Variants in MED27 observed in about 807,000 individuals in gnomAD.
MED27 encodes the protein mediator complex subunit 27.
A neutral mutation model predicts 38.2 loss-of-function variants in MED27; 30 were observed. The ratio of observed to expected loss-of-function variants is 0.79; its 90% CI spans 0.59 to 1.07. The LOEUF (loss-of-function observed/expected upper bound fraction) is 1.07. Ranked by LOEUF, MED27 falls within the 50% of genes least tolerant of loss-of-function variation. MED27 has a pLI of 0.00. For missense variants in MED27, 289 were observed against 397.5 expected (o/e 0.73, Z 2.32); for synonymous variants, 122 against 153.5 (o/e 0.79, Z 1.52).
At chr9:131,969,979 G>T (rs1831439861) in intron 3 of MED27, among the ~76,000 whole-genome samples, 1 of 152,120 alleles carries the variant, frequency 6.6e-6, no homozygotes, top group African/African-American at 2.4e-5. Context: ...GGGGGGGTGG[G>T]GGCATAGGAG....
At chr9:131,879,635 T>A (rs910495431) in intron 6 of MED27, among the ~76,000 whole-genome samples, 3 of 152,196 alleles carry the variant, frequency 2.0e-5, no homozygotes, top group Non-Finnish European at 4.4e-5. Flanking sequence ...CCAAGGAGCA[T>A]CCTCCAGCAT....
intron 2 of MED27, among the ~76,000 whole-genome samples, chr9:132,036,275 C>T (rs569874547): frequency 2.0e-5 from 3 of 152,080 alleles, no homozygotes; most frequent in Non-Finnish European, 2.9e-5. Context: ...GAGATCACAG[C>T]TCACTGCAGC....
chr9:132,075,100 T>G (rs940708839), intron 2 of MED27, among the ~76,000 whole-genome samples: 1 of 152,210 alleles, frequency 6.6e-6, no homozygotes, highest in Non-Finnish European at 1.5e-5. Flanking sequence ...TACAGTTTCA[T>G]GAATAAAATA....
At chr9:131,971,933 A>C (rs1441355065) in intron 3 of MED27, among the ~76,000 whole-genome samples, 2 of 152,164 alleles carry the variant, frequency 1.3e-5, no homozygotes, top group African/African-American at 4.8e-5. Context: ...CACTGAGGTC[A>C]CTCTTCCATA....
At chr9:132,001,417 CAGATCACAAT>C (rs1832231829) in intron 3 of MED27, among the ~76,000 whole-genome samples, 2 of 152,202 alleles carry the variant, frequency 1.3e-5, no homozygotes, top group South Asian at 4.1e-4. Flanking sequence ...CAATACACAT[CAGATCACAAT>C]AAATTAAACT....
intron 2 of MED27, among the ~76,000 whole-genome samples, chr9:132,043,149 C>G (rs564639319): frequency 6.6e-6 from 1 of 151,948 alleles, no homozygotes; most frequent in African/African-American, 2.4e-5. Context: ...AAAAAAACCA[C>G]AATACTATCA....
intron 3 of MED27, among the ~76,000 whole-genome samples, chr9:131,991,658 G>A (rs79395046): frequency 0.014 from 2,079 of 152,146 alleles, 48 homozygotes; most frequent in African/African-American, 0.047. Flanking sequence ...ATTTTTCTTC[G>A]AAGGTTTAGG....
chr9:131,863,487 C>T (rs912419660), intron 6 of MED27, among the ~76,000 whole-genome samples: 1 of 152,206 alleles, frequency 6.6e-6, no homozygotes, highest in African/African-American at 2.4e-5. Flanking sequence ...CTCAGCAAGG[C>T]GCGGCACACA....
At chr9:132,043,301 ATT>A (rs541414244) in intron 2 of MED27, among the ~76,000 whole-genome samples, 9 of 128,246 alleles carry the variant, frequency 7.0e-5, no homozygotes, top group African/African-American at 2.3e-4. Flanking sequence ...TAAGGCTTCT[ATT>A]TTTTTTTTTT....
intron 4 of MED27, among the ~76,000 whole-genome samples, chr9:131,932,971 T>C (rs1020545319): frequency 1.3e-5 from 2 of 152,068 alleles, no homozygotes; most frequent in African/African-American, 4.8e-5. Flanking sequence ...CATACACAAA[T>C]CAATTAATGT....
intron 2 of MED27, among the ~76,000 whole-genome samples, chr9:132,021,515 A>G (rs1832716542): frequency 6.6e-6 from 1 of 152,232 alleles, no homozygotes; most frequent in Admixed American, 6.5e-5. Flanking sequence ...GTATATAAAA[A>G]TTGGTGTTTT....
chr9:132,007,771 G>GGAGTAGGTGAGAGGGATCCATCAGC (rs1169035377), intron 3 of MED27, among the ~76,000 whole-genome samples: 1 of 152,058 alleles, frequency 6.6e-6, no homozygotes, highest in African/African-American at 2.4e-5. Context: ...GACAAGGCCA[G>GGAGTAGGTGAGAGGGATCCATCAGC]GAGTAGGTGA....
intron 3 of MED27, among the ~76,000 whole-genome samples, chr9:131,966,055 A>G (rs1198121383): frequency 6.7e-6 from 1 of 149,658 alleles, no homozygotes; most frequent in African/African-American, 2.5e-5. Flanking sequence ...GTATGGTCTG[A>G]CGCCTAAGAA....
intron 4 of MED27, among the ~76,000 whole-genome samples, chr9:131,903,747 A>C (rs529966242): frequency 6.6e-6 from 1 of 152,178 alleles, no homozygotes; most frequent in Admixed American, 6.5e-5. Context: ...TTTTTTTTAG[A>C]GACAGTGTCT....
At chr9:131,975,993 T>C (rs530043171) in intron 3 of MED27, among the ~76,000 whole-genome samples, 4 of 152,324 alleles carry the variant, frequency 2.6e-5, no homozygotes, top group Non-Finnish European at 4.4e-5. Flanking sequence ...TTCCCTTTCC[T>C]GTCCTCCATT....
At chr9:132,025,182 AT>A (rs11306470) in intron 2 of MED27, among the ~76,000 whole-genome samples, 118,349 of 144,298 alleles carry the variant, frequency 0.82, 48,528 homozygotes, top group East Asian at 0.88. Context: ...ATTAGAGTGA[AT>A]TTTTTTTTTT....
At chr9:132,035,113 G>C (rs532508639) in intron 2 of MED27, among the ~76,000 whole-genome samples, 10 of 152,138 alleles carry the variant, frequency 6.6e-5, no homozygotes, top group African/African-American at 2.2e-4. Flanking sequence ...GCAATAAAGG[G>C]GAAGGTGTTC....
chr9:131,923,237 C>A (rs544977312), intron 4 of MED27, among the ~76,000 whole-genome samples: 1 of 152,318 alleles, frequency 6.6e-6, no homozygotes, highest in East Asian at 1.9e-4. Flanking sequence ...CGCAGTCCAA[C>A]ACACTGAGGG....
intron 2 of MED27, among the ~76,000 whole-genome samples, chr9:132,075,669 G>A (rs763348240): frequency 6.6e-6 from 1 of 152,102 alleles, no homozygotes; most frequent in East Asian, 1.9e-4. Context: ...TCATTTCCAC[G>A]AAGTGTCCCA....
Sources: gnomAD v4.1 joint callset for allele counts (sites outside exome capture counted in the v4.1 genomes callset) on GRCh38, gnomAD v4.1.1 for gene constraint, MANE v1.5 for transcripts, NCBI Gene and HGNC (gene_info 2026-07-23, HGNC 2026-07-21) for gene names.